The following INPP4A variants were observed in gnomAD, a reference collection of about 807,000 sequenced individuals.
INPP4A encodes inositol polyphosphate-4-phosphatase type I A.
Under a neutral mutation model 119.8 loss-of-function variants are expected in INPP4A, and 33 were observed. The ratio of observed to expected loss-of-function variants is 0.28; its 90% CI spans 0.21 to 0.37. INPP4A has a LOEUF of 0.37. INPP4A is among the 10% of genes least tolerant of loss of function. The pLI is 1.00. For synonymous variants in INPP4A, 496 were observed against 500.7 expected (o/e 0.99, Z 0.12); for missense variants, 956 against 1,289.9 (o/e 0.74, Z 3.97).
chr2:98,565,412 CG>C (rs751979808), intron 19 of INPP4A, among the ~76,000 whole-genome samples: 2 of 152,186 alleles, frequency 1.3e-5, no homozygotes, highest in Non-Finnish European at 2.9e-5. Flanking sequence ...AGGGATGGCG[CG>C]TGTTTCCACC....
chr2:98,505,848 C>G (rs529166079), intron 1 of INPP4A, among the ~76,000 whole-genome samples: 4 of 152,262 alleles, frequency 2.6e-5, no homozygotes, highest in Non-Finnish European at 4.4e-5. Flanking sequence ...AATATTCTTG[C>G]TTTTTCACTT....
At position 98,569,482 on chromosome 2, in the gene INPP4A, G is replaced by A. The variant is rs528064250; in HGVS notation, c.2518+814G>A. On this transcript the variant is annotated intron_variant, in intron 22 of 24. Coordinates refer to ENST00000409851, the MANE Select transcript of INPP4A (RefSeq NM_001134225.2). This position sits in a 1 kb window ranked among gnomAD's most constrained non-coding sequence, Gnocchi z 5.1. ...TCCAAAGAGGGAACCCACATCGGCT[G>A]GGCTTTGCATTGGGCAGGCTTCATC... 2.6e-5 allele frequency: 4 copies of A among 152,406 alleles called. No homozygotes were observed. Among genetic ancestry groups the A allele is most frequent in the Admixed American group, 6.5e-5 (1 of 15,298 alleles). 9.4% of individuals were successfully genotyped at this position (152,406 alleles called of 1,614,324 possible).
chr2:98,486,641 A>C (rs916711274), intron 1 of INPP4A, among the ~76,000 whole-genome samples: 2 of 144,970 alleles, frequency 1.4e-5, no homozygotes, highest in Non-Finnish European at 3.0e-5. Flanking sequence ...GGATTTTTGC[A>C]TACAGGTTAC....
At chr2:98,444,834 G>GC (rs1693867433), upstream of INPP4A, 1 of 152,312 alleles carries the variant, frequency 6.6e-6, no homozygotes, top group African/African-American at 2.4e-5. Flanking sequence ...AAGGGGGCGG[G>GC]GCCAGGGCGG....
At chr2:98,504,439 A>G (rs1014844190) in intron 1 of INPP4A, among the ~76,000 whole-genome samples, 7 of 152,188 alleles carry the variant, frequency 4.6e-5, no homozygotes, top group African/African-American at 1.4e-4. Flanking sequence ...ATGTGTGACC[A>G]CTTTGTGTTT....
chr2:98,520,599 G>A, intron 3 of INPP4A, 88 bp from the exon 4 acceptor site: 2 of 776,378 alleles, frequency 2.6e-6, no homozygotes, highest in Non-Finnish European at 4.3e-6. Flanking sequence ...TGTTGTTGGG[G>A]GGAAGTAGAG....
At chr2:98,534,542 C>T (rs1420321600) in intron 5 of INPP4A, among the ~76,000 whole-genome samples, 2 of 152,190 alleles carry the variant, frequency 1.3e-5, no homozygotes, top group Non-Finnish European at 2.9e-5. Flanking sequence ...AGTCGGGGGA[C>T]TCCACATGAA....
rs976326645 is a variant in INPP4A at position 98,590,199 on chromosome 2, T to G, written c.*2591T>G. ...CATCCTATTAGGAGGACTAGTTCTA[T>G]GTGACCAGCCTGTGACTGGACCATT... is the stretch of plus-strand genomic sequence containing the variant. On this transcript the variant is annotated 3_prime_UTR_variant, in exon 25 of 25. Transcript: ENST00000409851. 13 of 205,634 alleles carry G rather than the reference T, an allele frequency of 6.3e-5. No individual in the cohort carries two copies. The highest frequency in any genetic ancestry group is 5.9e-4 in the East Asian group (8 of 13,482). 12.7% of individuals were successfully genotyped at this position (205,634 alleles called of 1,614,324 possible). A position where few individuals can be genotyped will look rare whatever the true frequency, so the allele number is the denominator to read the frequency against.
At chr2:98,486,307 C>G (rs1294740217) in intron 1 of INPP4A, among the ~76,000 whole-genome samples, 1 of 152,198 alleles carries the variant, frequency 6.6e-6, no homozygotes, top group Non-Finnish European at 1.5e-5. Flanking sequence ...GCTGTGAACT[C>G]TCTGGGGTCC....
chr2:98,459,696 G>A (rs190119218), intron 1 of INPP4A, among the ~76,000 whole-genome samples: 1 of 152,330 alleles, frequency 6.6e-6, no homozygotes, highest in East Asian at 1.9e-4. Context: ...ACAATAGCTT[G>A]GTTTTCTTTG....
chr2:98,522,022 T>C (rs1359794549), intron 4 of INPP4A, among the ~76,000 whole-genome samples: 1 of 152,100 alleles, frequency 6.6e-6, no homozygotes, highest in Non-Finnish European at 1.5e-5. Flanking sequence ...GCATGGTGGC[T>C]CAATCCTGTA....
At chr2:98,506,216 G>A (rs571154251) in intron 1 of INPP4A, among the ~76,000 whole-genome samples, 11 of 152,342 alleles carry the variant, frequency 7.2e-5, no homozygotes, top group Admixed American at 5.9e-4. Context: ...CTCTACAACT[G>A]AAAAAGATGA....
intron 24 of INPP4A, 23 bp downstream of exon 24, chr2:98,577,166 G>A (rs1185682079): frequency 6.4e-6 from 10 of 1,568,674 alleles, no homozygotes; most frequent in Non-Finnish European, 8.7e-6. Context: ...GCCAGGCCGC[G>A]CGCCCCGCCT....
chr2:98,529,076 CA>C (rs200658332), intron 4 of INPP4A, among the ~76,000 whole-genome samples: 31,328 of 94,898 alleles, frequency 0.33, 2,958 homozygotes, highest in Middle Eastern at 0.49. Context: ...GAGACTGTCT[CA>C]AAAAAAAAAA....
chr2:98,510,191 T>TA (rs1235766093), intron 1 of INPP4A, among the ~76,000 whole-genome samples: 1 of 152,104 alleles, frequency 6.6e-6, no homozygotes, highest in Non-Finnish European at 1.5e-5. Context: ...GTGGGGAAGA[T>TA]AGAGCTAATA....
rs1367119065 is a variant in INPP4A, at chr2:98,478,667, G to A, written c.-166+33582G>A. Among the ~76,000 whole-genome samples, 3 of 152,136 alleles carry A rather than the reference G, an allele frequency of 2.0e-5. No homozygotes were observed. The East Asian group carries it at 5.8e-4, about 29-fold the overall frequency. ...GTGAAGAGGGTCCCTGCCCCAGCTG[G>A]GGAGAATAGGGTGAATGGGAGTAGG... On this transcript the variant is annotated intron_variant, in intron 1 of 24. Transcript: ENST00000409851.
In INPP4A at chr2:98,537,863, G is replaced by T. The variant is rs749286893; in HGVS notation, c.468G>T (p.Arg156Ser). The T allele has an allele frequency of 2.5e-6, 4 of 1,606,612 alleles. No homozygotes were observed. In the South Asian group the frequency reaches 4.4e-5, roughly 18 times the overall value. ...DRHHRLHLTL[R>S]SAESDRVGNI... Reference sequence around the variant, plus strand: ...CATTAAAGCATGTTGTGCATCACAGGTCTGCAGAGAGTGACCGTGTAGGTA... The same window carrying T: ...CATTAAAGCATGTTGTGCATCACAGTTCTGCAGAGAGTGACCGTGTAGGTA... The change falls in exon 8 of 25, where the codon AGG (arginine) becomes AGT (serine). Residue 156 changes from arginine (R) to serine (S), a missense_variant and splice_region_variant. Coordinates refer to ENST00000409851, the MANE Select transcript of INPP4A (RefSeq NM_001134225.2).
At chr2:98,451,704 C>T (rs555593984) in intron 1 of INPP4A, among the ~76,000 whole-genome samples, 1 of 152,242 alleles carries the variant, frequency 6.6e-6, no homozygotes, top group Admixed American at 6.5e-5. Flanking sequence ...TATTGAACGC[C>T]CTTCTTTCCC....
Position 98,594,120 on chromosome 2 carries a change from C to T in INPP4A, c.*6512C>T, listed in dbSNP as rs1700509811. 6.6e-6 allele frequency: 1 copy of T among 152,202 alleles called. No individual in the cohort carries two copies. The highest frequency in any genetic ancestry group is 2.1e-4 in the South Asian group (1 of 4,834). 9.4% of individuals were successfully genotyped at this position (152,202 alleles called of 1,614,324 possible). A position where few individuals can be genotyped will look rare whatever the true frequency, so the allele number is the denominator to read the frequency against. On this transcript the variant is annotated 3_prime_UTR_variant, in exon 25 of 25. Coordinates refer to ENST00000409851, the MANE Select transcript of INPP4A (RefSeq NM_001134225.2). ...TTTCCTATTTCAGCACTGGACCACG[C>T]TGTTTTTCTCACTACATAATCGGTT... is the stretch of plus-strand genomic sequence containing the variant.
Sources: allele counts gnomAD v4.1 joint callset (sites outside exome capture counted in the v4.1 genomes callset), GRCh38; gene constraint gnomAD v4.1.1; non-coding constraint Gnocchi (gnomAD v3.1); transcripts MANE v1.5; gene names NCBI Gene and HGNC (gene_info 2026-07-23, HGNC 2026-07-21).